FGF14: variants seen among roughly 807,000 people sequenced by gnomAD.
FGF14 encodes fibroblast growth factor 14.
A neutral mutation model predicts 25.5 loss-of-function variants in FGF14; 5 were observed. The observed-to-expected ratio is 0.20, with a 90% CI of 0.10 to 0.41. FGF14 has a LOEUF of 0.41. Among genes scored for constraint, FGF14 ranks in the 10% least tolerant of loss-of-function variants. FGF14 has a pLI of 1.00. For synonymous variants in FGF14, 138 were observed against 118.3 expected, an observed-to-expected ratio of 1.17 and a Z score of -1.08; for missense variants, 222 against 320.1, an observed-to-expected ratio of 0.69 and a Z score of 2.34.
At chr13:101,867,937 C>T (rs533673114) in intron 3 of FGF14, among the ~76,000 whole-genome samples, 11 of 128,240 alleles carry the variant, frequency 8.6e-5, no homozygotes, top group South Asian at 7.8e-4. Flanking sequence ...CACACACACG[C>T]GCACACACAC....
chr13:102,201,832 G>A (rs536983654), intron 1 of FGF14, among the ~76,000 whole-genome samples: 9 of 152,160 alleles, frequency 5.9e-5, no homozygotes, highest in Non-Finnish European at 1.3e-4. Context: ...ACTGGGGGAC[G>A]GACAGTACGA....
At chr13:102,201,940 G>A (rs1330587128) in intron 1 of FGF14, among the ~76,000 whole-genome samples, 1 of 152,158 alleles carries the variant, frequency 6.6e-6, no homozygotes, top group Non-Finnish European at 1.5e-5. Flanking sequence ...GTGGGGCCTG[G>A]TGGGAGGTGA....
At chr13:102,126,213 G>C (rs1048356007) in intron 1 of FGF14, among the ~76,000 whole-genome samples, 1 of 152,074 alleles carries the variant, frequency 6.6e-6, no homozygotes, top group African/African-American at 2.4e-5. Flanking sequence ...CATTAAGCAA[G>C]AACTCCCATT....
intron 1 of FGF14, among the ~76,000 whole-genome samples, chr13:102,197,441 C>G (rs1423120400): frequency 6.6e-6 from 1 of 152,066 alleles, no homozygotes; most frequent in Non-Finnish European, 1.5e-5. Flanking sequence ...GGCCAAGTCA[C>G]TCAACTTTCC....
intron 1 of FGF14, among the ~76,000 whole-genome samples, chr13:102,100,846 T>A (rs534458960): frequency 1.4e-4 from 21 of 152,186 alleles, no homozygotes; most frequent in Non-Finnish European, 2.8e-4. Context: ...ACGCCTGTAA[T>A]CCCAACACTT....
chr13:101,734,655 C>CATCAT (rs1198244267), intron 3 of FGF14, among the ~76,000 whole-genome samples: 2 of 152,046 alleles, frequency 1.3e-5, no homozygotes, highest in African/African-American at 4.8e-5. Flanking sequence ...ATGTTAATAA[C>CATCAT]TATAATTAAC....
chr13:101,778,724 G>T (rs529997212), intron 3 of FGF14, among the ~76,000 whole-genome samples: 1 of 152,214 alleles, frequency 6.6e-6, no homozygotes, highest in East Asian at 1.9e-4. Flanking sequence ...CATGAATTTT[G>T]CTGTGGTTGT....
chr13:101,896,053 T>TAG (rs2030615358), intron 1 of FGF14, among the ~76,000 whole-genome samples: 1 of 152,204 alleles, frequency 6.6e-6, no homozygotes, highest in African/African-American at 2.4e-5. Flanking sequence ...TGCACAAAGA[T>TAG]ATACCTATGG....
At chr13:102,352,956 C>G (rs2057330617) in intron 1 of FGF14, among the ~76,000 whole-genome samples, 1 of 152,032 alleles carries the variant, frequency 6.6e-6, no homozygotes, top group Non-Finnish European at 1.5e-5. Context: ...CATTGCGCAC[C>G]TCTGCTATCC....
At chr13:102,278,643 TATACATACACAC>T (rs1316991353) in intron 1 of FGF14, among the ~76,000 whole-genome samples, 2 of 146,934 alleles carry the variant, frequency 1.4e-5, no homozygotes, top group African/African-American at 5.2e-5. Flanking sequence ...TATATATATA[TATACATACACAC>T]ACATACACAC....
chr13:101,814,399 A>AAGCAT (rs2041728899), intron 3 of FGF14, among the ~76,000 whole-genome samples: 1 of 152,242 alleles, frequency 6.6e-6, no homozygotes, highest in East Asian at 1.9e-4. Flanking sequence ...GTGACCTTAA[A>AAGCAT]AATGTATCTT....
At chr13:101,797,872 G>A (rs1295630136) in intron 3 of FGF14, among the ~76,000 whole-genome samples, 1 of 151,356 alleles carries the variant, frequency 6.6e-6, no homozygotes, top group African/African-American at 2.4e-5. Context: ...ATAATCATTT[G>A]TTCAATAATC....
At chr13:101,788,901 TATATATATAGAGAGAGAGAG>T (rs1293868095) in intron 3 of FGF14, among the ~76,000 whole-genome samples, 39 of 41,356 alleles carry the variant, frequency 9.4e-4, no homozygotes, top group African/African-American at 2.7e-3. Flanking sequence ...TATATATATA[TATATATATAGAGAGAGAGAG>T]AGAGAGAGAG....
At chr13:101,986,623 C>T (rs537246643) in intron 1 of FGF14, among the ~76,000 whole-genome samples, 2 of 152,150 alleles carry the variant, frequency 1.3e-5, no homozygotes, top group Admixed American at 1.3e-4. Flanking sequence ...AAAAATGAGG[C>T]TTAGAAAATA....
intron 1 of FGF14, among the ~76,000 whole-genome samples, chr13:102,285,694 C>A (rs2141236487): frequency 6.6e-6 from 1 of 152,274 alleles, no homozygotes; most frequent in Non-Finnish European, 1.5e-5. Context: ...CCTTTTAATA[C>A]ATTGATAGCA....
chr13:102,286,668 T>A (rs377163801), intron 1 of FGF14, among the ~76,000 whole-genome samples: 2 of 152,188 alleles, frequency 1.3e-5, no homozygotes, highest in South Asian at 4.1e-4. Context: ...AAATGCTCAA[T>A]AAGTCCATAC....
chr13:102,278,645 T>TATAC (rs1452733538), intron 1 of FGF14, among the ~76,000 whole-genome samples: 319 of 147,040 alleles, frequency 2.2e-3, no homozygotes, highest in African/African-American at 7.7e-3. Context: ...TATATATATA[T>TATAC]ACATACACAC....
chr13:102,375,480 T>G (rs1277265480), intron 1 of FGF14, among the ~76,000 whole-genome samples: 1 of 152,190 alleles, frequency 6.6e-6, no homozygotes, highest in Non-Finnish European at 1.5e-5. Context: ...TATCGTTATT[T>G]AATAACGTTG....
chr13:102,161,724 G>T (rs868868793), intron 1 of FGF14, among the ~76,000 whole-genome samples: 10 of 149,684 alleles, frequency 6.7e-5, no homozygotes, highest in Non-Finnish European at 1.3e-4. Flanking sequence ...AGAAGAAGAA[G>T]AATAGAAATG....
Sources: allele counts gnomAD v4.1 joint callset (sites outside exome capture counted in the v4.1 genomes callset), GRCh38; gene constraint gnomAD v4.1.1; transcripts MANE v1.5; gene names NCBI Gene and HGNC (gene_info 2026-07-23, HGNC 2026-07-21).